PLCG1: variants seen among roughly 807,000 people sequenced by gnomAD.
The protein encoded by PLCG1 is phospholipase C gamma 1.
Under a neutral mutation model 177.8 loss-of-function variants are expected in PLCG1, and 71 were observed. That is an observed-to-expected ratio of 0.40 (90% CI 0.33 to 0.49). PLCG1 has a LOEUF of 0.49. Among genes scored for constraint, PLCG1 ranks in the 20% least tolerant of loss-of-function variants. The pLI, the probability that PLCG1 is intolerant of heterozygous loss-of-function variation, is 0.72. For missense variants in PLCG1, 1,281 were observed against 1,709.0 expected, an observed-to-expected ratio of 0.75 and a Z score of 4.42; for synonymous variants, 658 against 647.9, an observed-to-expected ratio of 1.02 and a Z score of -0.24.
At chr20:41,162,229 G>GTTTTTTTTTTTTTTT (rs1326156945) in intron 4 of PLCG1, 4 of 276,998 alleles carry the variant, frequency 1.4e-5, no homozygotes, top group South Asian at 6.6e-5. Flanking sequence ...TGTTTGTTTT[G>GTTTTTTTTTTTTTTT]TTTTTGTTTT....
At position 41,166,135 on chromosome 20, in the gene PLCG1, T is replaced by A; in HGVS notation, c.1800-59T>A. On this transcript the variant is annotated intron_variant, in intron 16 of 31. Coordinates refer to ENST00000685551, the MANE Select transcript of PLCG1 (RefSeq NM_002660.3). This position sits in a 1 kb window ranked among gnomAD's most constrained non-coding sequence, Gnocchi z 8.6. ...GTTCCACCCTCATTTGGGGTGGAAC[T>A]TGGTCTTTGGGGCCCTGGCCTGTTT... The A allele has an allele frequency of 1.4e-6, 2 of 1,473,198 alleles. No homozygotes were observed. The highest frequency in any genetic ancestry group is 2.3e-5 in the East Asian group (1 of 44,156). The allele number at this position is 1,473,198 out of a possible 1,614,324, so 91.3% of individuals were successfully genotyped here.
chr20:41,163,222 C>T lies in PLCG1; in HGVS notation c.736C>T (p.Leu246Phe), dbSNP rs1253545336. 6.5e-7 allele frequency: 1 copy of T among 1,546,766 alleles called. No homozygotes were observed. Among genetic ancestry groups the T allele is most frequent in the African/African-American group, 1.4e-5 (1 of 72,542 alleles). Residue 246 changes from leucine to phenylalanine, a missense_variant, in exon 8 of 32, where the codon CTT (leucine) becomes TTT (phenylalanine). By Grantham distance (22) the Leu-to-Phe change is conservative. This residue lies in a region of PLCG1 where 374 missense variants were observed against 443.8 expected (regional missense o/e 0.84). Transcript: ENST00000685551. The surrounding 1 kb of genome is among the most constrained non-coding windows in gnomAD (Gnocchi z 5.2). Reference sequence around the variant, plus strand: ...CTGCAGGGCTGGGGAGCGGCCGGAGCTTTGCCGAGTGTCCCTTCCTGAGTT... The same window carrying T: ...CTGCAGGGCTGGGGAGCGGCCGGAGTTTTGCCGAGTGTCCCTTCCTGAGTT... ...STLRAGERPE[L>F]CRVSLPEFQQ... is the part of the protein sequence containing the mutation.
At position 41,151,396 on chromosome 20, in the gene PLCG1, GC is replaced by G. The variant is rs2035162130; in HGVS notation, c.218-8207del. 1.3e-5 allele frequency among the ~76,000 whole-genome samples: 2 copies of G among 152,208 alleles called. No homozygotes were observed. Among genetic ancestry groups the G allele is most frequent in the Non-Finnish European group, 2.9e-5 (2 of 68,032 alleles). On this transcript the variant is annotated intron_variant, in intron 1 of 31. Coordinates refer to ENST00000685551, the MANE Select transcript of PLCG1 (RefSeq NM_002660.3). The surrounding 1 kb of genome is among the most constrained non-coding windows in gnomAD (Gnocchi z 5.5). Reference sequence around the variant, plus strand: ...CTAGACCAAGCTTGTCCAACTCGCTGCCCGCGGGTCTGGTTTGAAGGCAGCT... The same window carrying G: ...CTAGACCAAGCTTGTCCAACTCGCTGCCGCGGGTCTGGTTTGAAGGCAGCT...
chr20:41,170,090 T>C, intron 23 of PLCG1, 22 bp from the exon 24 acceptor site: 1 of 1,592,904 alleles, frequency 6.3e-7, no homozygotes, highest in Non-Finnish European at 8.6e-7. Context: ...TTCCCAGCTG[T>C]TATCTGCTCT....
Position 41,167,984 on chromosome 20 carries a change from G to T in PLCG1, c.2379+55G>T. On this transcript the variant is annotated intron_variant, in intron 20 of 31. Coordinates refer to ENST00000685551, the MANE Select transcript of PLCG1 (RefSeq NM_002660.3). This position sits in a 1 kb window ranked among gnomAD's most constrained non-coding sequence, Gnocchi z 4.4. ...CTGGGGAGGGTCCCCAGCTGCTTGG[G>T]GCTTCATTTCTGTGTTCTGGGCCAT... is the stretch of plus-strand genomic sequence containing the variant. 8.2e-7 allele frequency: 1 copy of T among 1,215,388 alleles called. No individual in the cohort carries two copies. The allele number at this position is 1,215,388 out of a possible 1,614,324, so 75.3% of individuals were successfully genotyped here. A position where few individuals can be genotyped will look rare whatever the true frequency, so the allele number is the denominator to read the frequency against.
Position 41,166,423 on chromosome 20 carries a change from G to T in PLCG1, c.2000+29G>T. On this transcript the variant is annotated intron_variant, in intron 17 of 31. Coordinates refer to ENST00000685551, the MANE Select transcript of PLCG1 (RefSeq NM_002660.3). This position sits in a 1 kb window ranked among gnomAD's most constrained non-coding sequence, Gnocchi z 8.6. ...AGGGAAGGGCCTGGGGGCGGACAAG[G>T]CAGGGCAGGGCCATGGGTGGTGCTG... 5 of 1,614,020 alleles carry T rather than the reference G, an allele frequency of 3.1e-6. No homozygotes were observed. Among genetic ancestry groups the T allele is most frequent in the Non-Finnish European group, 4.2e-6 (5 of 1,180,038 alleles).
chr20:41,168,723 A>G (rs751015005), intron 20 of PLCG1, 44 bp from the exon 21 acceptor site: 1 of 1,253,828 alleles, frequency 8.0e-7, no homozygotes, highest in South Asian at 1.2e-5. Flanking sequence ...TGGCAGTGGC[A>G]GGGAGAGCCT....
At chr20:41,171,943 C>A (rs2035913576) in intron 24 of PLCG1, among the ~76,000 whole-genome samples, 1 of 152,170 alleles carries the variant, frequency 6.6e-6, no homozygotes, top group Admixed American at 6.5e-5. Context: ...GTCTGTATCC[C>A]CCACCCCCCC....
chr20:41,167,641 G>A lies in PLCG1; in HGVS notation c.2302-211G>A. On this transcript the variant is annotated intron_variant, in intron 19 of 31. Coordinates refer to ENST00000685551, the MANE Select transcript of PLCG1 (RefSeq NM_002660.3). This position sits in a 1 kb window ranked among gnomAD's most constrained non-coding sequence, Gnocchi z 4.4. ...GAGAGATTTTAGAATCCTGGGCTGG[G>A]CCTTACATGTAAGAATGTGAAGAAA... The A allele has an allele frequency of 1.7e-6, 1 of 578,918 alleles. No individual in the cohort carries two copies. The highest frequency in any genetic ancestry group is 3.1e-6 in the Non-Finnish European group (1 of 324,574). The allele number at this position is 578,918 out of a possible 1,614,324, so 35.9% of individuals were successfully genotyped here. A position where few individuals can be genotyped will look rare whatever the true frequency, so the allele number is the denominator to read the frequency against.
In PLCG1 at chr20:41,159,460, T is replaced by C. The variant is rs1023278763; in HGVS notation, c.218-146T>C. ...CCTAGACTCAACCCAGCCCTCTTATTACCAGAGTGACTGAGTGGTCTTGGC... is the reference window on the plus strand; with the variant it reads ...CCTAGACTCAACCCAGCCCTCTTATCACCAGAGTGACTGAGTGGTCTTGGC... On this transcript the variant is annotated intron_variant, in intron 1 of 31. Transcript: ENST00000685551. The surrounding 1 kb of genome is among the most constrained non-coding windows in gnomAD (Gnocchi z 6.0). 56 of 741,416 alleles carry C rather than the reference T, an allele frequency of 7.6e-5. No individual in the cohort carries two copies. In the African/African-American group the frequency reaches 8.9e-4, roughly 12 times the overall value. 45.9% of individuals were successfully genotyped at this position (741,416 alleles called of 1,614,324 possible).
rs1429276850 is a variant in PLCG1 at position 41,176,709 on chromosome 20, TC to T, written c.*2202del. On this transcript the variant is annotated 3_prime_UTR_variant, in exon 32 of 32. Transcript: ENST00000685551. Reference sequence around the variant, plus strand: ...TCACTGCAAATGTTTTGATTGTTCTTCCTAGTGGAAAACGTGCCAACTCTCA... The same window carrying T: ...TCACTGCAAATGTTTTGATTGTTCTTCTAGTGGAAAACGTGCCAACTCTCA... 1 of 152,250 alleles carries T rather than the reference TC, an allele frequency of 6.6e-6. No individual in the cohort carries two copies. The highest frequency in any genetic ancestry group is 1.5e-5 in the Non-Finnish European group (1 of 68,054). The allele number at this position is 152,250 out of a possible 1,614,324, so 9.4% of individuals were successfully genotyped here. A position where few individuals can be genotyped will look rare whatever the true frequency, so the allele number is the denominator to read the frequency against.
intron 1 of PLCG1, among the ~76,000 whole-genome samples, chr20:41,154,447 TTGCTC>T (rs1287098763): frequency 6.6e-6 from 1 of 152,238 alleles, no homozygotes; most frequent in Non-Finnish European, 1.5e-5. Flanking sequence ...AGCCCTGCCT[TTGCTC>T]TTCTCTTTCT....
chr20:41,161,064 C>T lies in PLCG1; in HGVS notation c.512+911C>T, dbSNP rs1043352415. Among the ~76,000 whole-genome samples, 3 of 152,076 alleles carry T rather than the reference C, an allele frequency of 2.0e-5. No individual in the cohort carries two copies. In the South Asian group the frequency reaches 6.2e-4, roughly 32 times the overall value. ...TTTTAACTTGGGAGTATGTAGATAA[C>T]ACTGAAAGCCACAGGGCTGGGTGAG... On this transcript the variant is annotated intron_variant, in intron 4 of 31. Coordinates refer to ENST00000685551, the MANE Select transcript of PLCG1 (RefSeq NM_002660.3).
At chr20:41,161,782 C>G (rs774137804) in intron 4 of PLCG1, among the ~76,000 whole-genome samples, 13 of 151,506 alleles carry the variant, frequency 8.6e-5, no homozygotes, top group Non-Finnish European at 1.8e-4. Flanking sequence ...CTTGTCCATC[C>G]TGTTGCCAGG....
At position 41,164,984 on chromosome 20, in the gene PLCG1, A is replaced by G. The variant is rs2146042430; in HGVS notation, c.1269A>G (p.Arg423=). The G allele has an allele frequency of 1.2e-6, 2 of 1,614,188 alleles. No homozygotes were observed. Among genetic ancestry groups the G allele is most frequent in the South Asian group, 2.2e-5 (2 of 91,082 alleles). ...ACCACTGCAGCATTGCCCAGCAGAG[A>G]AACATGGCCCAATACTTCAAGAAGG... ...IEDHCSIAQQ[R]NMAQYFKKVL... is the part of the protein sequence containing the mutation. The change falls in exon 13 of 32, where the codon AGA becomes AGG. Residue 423 remains arginine, a synonymous_variant. Coordinates refer to ENST00000685551, the MANE Select transcript of PLCG1 (RefSeq NM_002660.3). This position sits in a 1 kb window ranked among gnomAD's most constrained non-coding sequence, Gnocchi z 6.4.
At position 41,172,903 on chromosome 20, in the gene PLCG1, G is replaced by T; in HGVS notation, c.3279+26G>T. The T allele has an allele frequency of 6.2e-7, 1 of 1,606,796 alleles. No individual in the cohort carries two copies. The highest frequency in any genetic ancestry group is 1.3e-5 in the African/African-American group (1 of 74,886). ...GTGGGTGCTGCTCATCTGGGCTTCA[G>T]GGTAGGAAAGGGGCTGCTTGCCGTT... On this transcript the variant is annotated intron_variant, in intron 27 of 31. Transcript: ENST00000685551. This position sits in a 1 kb window ranked among gnomAD's most constrained non-coding sequence, Gnocchi z 7.0.
chr20:41,168,974 T>G, intron 21 of PLCG1, 104 bp downstream of exon 21: 2 of 1,154,212 alleles, frequency 1.7e-6, no homozygotes, highest in South Asian at 1.2e-5. Flanking sequence ...GCACCAGCAG[T>G]GCCTGCCTCA....
intron 1 of PLCG1, among the ~76,000 whole-genome samples, chr20:41,158,760 C>G (rs2035400410): frequency 1.3e-5 from 2 of 152,360 alleles, no homozygotes; most frequent in South Asian, 4.1e-4. Context: ...CAGCCAGTCT[C>G]ACCCAGAGCT....
At chr20:41,141,710 C>G (rs1206516855) in intron 1 of PLCG1, among the ~76,000 whole-genome samples, 1 of 152,226 alleles carries the variant, frequency 6.6e-6, no homozygotes, top group Non-Finnish European at 1.5e-5. Flanking sequence ...TTAGTGTTTC[C>G]TCAGCACCCC....
Sources: allele counts gnomAD v4.1 joint callset (sites outside exome capture counted in the v4.1 genomes callset), GRCh38; gene constraint gnomAD v4.1.1; regional missense constraint gnomAD v4.1.1; non-coding constraint Gnocchi (gnomAD v3.1); transcripts MANE v1.5; gene names NCBI Gene and HGNC (gene_info 2026-07-23, HGNC 2026-07-21).